Variants in RABEP1 observed in about 807,000 individuals in gnomAD.
The protein encoded by RABEP1 is rabaptin, RAB GTPase binding effector protein 1, also known as rab GTPase-binding effector protein 1.
RABEP1 carries 51 observed loss-of-function variants against 123.4 expected under a neutral mutation model. The observed-to-expected ratio is 0.41, with a 90% CI of 0.33 to 0.52. The LOEUF (loss-of-function observed/expected upper bound fraction) is 0.52. RABEP1 is among the 20% of genes least tolerant of loss of function. The probability of loss-of-function intolerance (pLI) is 0.16; values close to 1 mark genes in which losing one functional copy is unlikely to be tolerated. For missense variants in RABEP1, 888 were observed against 996.3 expected (o/e 0.89, Z 1.46); for synonymous variants, 347 against 355.2 (o/e 0.98, Z 0.26).
chr17:5,326,231 G>A (rs1017846928), intron 2 of RABEP1, among the ~76,000 whole-genome samples: 5 of 152,146 alleles, frequency 3.3e-5, no homozygotes, highest in African/African-American at 9.7e-5. Context: ...TCACAACTTC[G>A]AAGCATGGAA....
At chr17:5,333,461 C>T (rs1046597084) in intron 3 of RABEP1, among the ~76,000 whole-genome samples, 2 of 152,128 alleles carry the variant, frequency 1.3e-5, no homozygotes, top group African/African-American at 4.8e-5. Context: ...CATGCTTGGC[C>T]CAGATTAGTT....
intron 16 of RABEP1, 28 bp downstream of exon 16, chr17:5,380,490 T>G: frequency 6.9e-7 from 1 of 1,459,548 alleles, no homozygotes; most frequent in Non-Finnish European, 9.4e-7. Flanking sequence ...CATTTAATTT[T>G]AAAAAGCAGG....
At chr17:5,286,185 T>A (rs1205511405) in intron 1 of RABEP1, among the ~76,000 whole-genome samples, 1 of 152,206 alleles carries the variant, frequency 6.6e-6, no homozygotes. Context: ...TAAATTTGTG[T>A]CTTTTGATTA....
chr17:5,332,266 T>C, intron 3 of RABEP1, 114 bp downstream of exon 3: 1 of 961,298 alleles, frequency 1.0e-6, no homozygotes, highest in Non-Finnish European at 1.5e-6. Context: ...TGGTTTTATG[T>C]ACTGTCATCA....
intron 1 of RABEP1, among the ~76,000 whole-genome samples, chr17:5,287,606 A>G (rs1039193332): frequency 4.9e-5 from 7 of 143,736 alleles, no homozygotes; most frequent in African/African-American, 2.0e-4. Context: ...CGCAAAAAAA[A>G]AAAAAAAAAA....
At chr17:5,344,107 A>G (rs1907860478) in intron 5 of RABEP1, among the ~76,000 whole-genome samples, 2 of 152,256 alleles carry the variant, frequency 1.3e-5, no homozygotes, top group Admixed American at 6.5e-5. Flanking sequence ...GCTACAGACT[A>G]TAAGAAGATA....
intron 1 of RABEP1, among the ~76,000 whole-genome samples, chr17:5,284,826 G>T (rs1427204564): frequency 2.0e-5 from 3 of 149,968 alleles, no homozygotes; most frequent in African/African-American, 7.3e-5. Flanking sequence ...CTTTAGGCAC[G>T]TTTGAATTTC....
chr17:5,375,647 A>G (rs1282000296), intron 13 of RABEP1, among the ~76,000 whole-genome samples: 20 of 151,946 alleles, frequency 1.3e-4, no homozygotes. Context: ...TCAAAGCTGC[A>G]GTGAGCTGAG....
chr17:5,356,793 G>T (rs1909054612), intron 8 of RABEP1, among the ~76,000 whole-genome samples: 1 of 151,778 alleles, frequency 6.6e-6, no homozygotes, highest in African/African-American at 2.4e-5. Context: ...TGAGACTACA[G>T]GCATCCGCCA....
chr17:5,298,120 T>A (rs1001056548), intron 1 of RABEP1, among the ~76,000 whole-genome samples: 3 of 152,224 alleles, frequency 2.0e-5, no homozygotes, highest in African/African-American at 7.2e-5. Context: ...CCATAAATAA[T>A]GCAGCCAACT....
chr17:5,319,483 C>G (rs2075332598), intron 2 of RABEP1, among the ~76,000 whole-genome samples: 2 of 151,950 alleles, frequency 1.3e-5, no homozygotes, highest in Admixed American at 1.3e-4. Flanking sequence ...TTTCCTGCCT[C>G]AGTCTCCCAA....
At chr17:5,345,688 C>T (rs556815957) in intron 5 of RABEP1, among the ~76,000 whole-genome samples, 4 of 152,190 alleles carry the variant, frequency 2.6e-5, no homozygotes, top group Non-Finnish European at 5.9e-5. Flanking sequence ...GACTGTCAAC[C>T]TTCAGTGAAG....
Position 5,361,318 on chromosome 17 carries a change from CAGGAG to C in RABEP1, c.1209_1213del (p.Arg403SerfsTer21). ...ACAATGACATGTTTAAAGATGGACT[CAGGAG>C]AGCACAGTCTACAGACAGCTTGGGA... On this transcript the variant is annotated frameshift_variant, in exon 9 of 18. Transcript: ENST00000537505. LOFTEE classifies it high-confidence loss of function. The C allele has an allele frequency of 6.2e-7, 1 of 1,614,116 alleles. No individual in the cohort carries two copies. The highest frequency in any genetic ancestry group is 8.5e-7 in the Non-Finnish European group (1 of 1,180,040).
At chr17:5,302,303 C>T (rs568097779) in intron 1 of RABEP1, among the ~76,000 whole-genome samples, 28 of 129,266 alleles carry the variant, frequency 2.2e-4, no homozygotes, top group South Asian at 7.8e-4. Context: ...GGCAGTTGTG[C>T]GATCTCAGCT....
intron 1 of RABEP1, among the ~76,000 whole-genome samples, chr17:5,284,980 A>C (rs1407354471): frequency 4.6e-5 from 7 of 152,276 alleles, no homozygotes; most frequent in Non-Finnish European, 8.8e-5. Flanking sequence ...ACTTTTTAAA[A>C]AAAAAAAAAT....
chr17:5,340,308 T>C (rs1255163477), intron 5 of RABEP1, among the ~76,000 whole-genome samples: 1 of 152,166 alleles, frequency 6.6e-6, no homozygotes, highest in Non-Finnish European at 1.5e-5. Flanking sequence ...TTTTCTCAAC[T>C]GTGAAATGGG....
intron 1 of RABEP1, among the ~76,000 whole-genome samples, chr17:5,290,138 A>G (rs2075018832): frequency 6.6e-6 from 1 of 152,204 alleles, no homozygotes; most frequent in South Asian, 2.1e-4. Flanking sequence ...CCCAGGCTAG[A>G]GTGCAGTGGC....
rs781751433 is a variant in RABEP1, at chr17:5,332,103, G to A, written c.318G>A (p.Val106=). 3 of 1,614,100 alleles carry A rather than the reference G, an allele frequency of 1.9e-6. No homozygotes were observed. The highest frequency in any genetic ancestry group is 2.5e-6 in the Non-Finnish European group (3 of 1,180,014). Residue 106 remains valine, a synonymous_variant, in exon 3 of 18, where the codon GTG becomes GTA. Transcript: ENST00000537505. The part of the protein sequence containing the change: ...ENTKQEAIDE[V]KRQWREEVAS... ...CCAAGCAAGAAGCTATAGATGAAGT[G>A]AAAAGACAGTGGAGAGAAGAAGTTG...
intron 17 of RABEP1, 36 bp downstream of exon 17, chr17:5,381,541 G>T: frequency 6.3e-7 from 1 of 1,597,172 alleles, no homozygotes; most frequent in African/African-American, 1.3e-5. Context: ...AGAGCACGAA[G>T]GCAGTTTTGG....
Sources: allele counts gnomAD v4.1 joint callset (sites outside exome capture counted in the v4.1 genomes callset), GRCh38; gene constraint gnomAD v4.1.1; transcripts MANE v1.5; gene names NCBI Gene and HGNC (gene_info 2026-07-23, HGNC 2026-07-21).